Variants in PTPRD observed in about 807,000 individuals in gnomAD.
PTPRD encodes protein tyrosine phosphatase receptor type D.
PTPRD carries 34 observed loss-of-function variants against 214.5 expected under a neutral mutation model. That is an observed-to-expected ratio of 0.16 (90% CI 0.12 to 0.21). The LOEUF (loss-of-function observed/expected upper bound fraction) is 0.21, where lower values mean the gene tolerates loss of function less well. Among genes scored for constraint, PTPRD ranks in the 10% least tolerant of loss-of-function variants. The probability of loss-of-function intolerance (pLI) is 1.00; values close to 1 mark genes in which losing one functional copy is unlikely to be tolerated. For synonymous variants in PTPRD, 1,128 were observed against 845.7 expected (o/e 1.33, Z -5.79); for missense variants, 2,545 against 2,398.7 (o/e 1.06, Z -1.27).
intron 5 of PTPRD, among the ~76,000 whole-genome samples, chr9:9,850,600 G>A (rs969015520): frequency 2.6e-5 from 4 of 152,064 alleles, no homozygotes; most frequent in Non-Finnish European, 5.9e-5. Context: ...AAATGATGAT[G>A]TAAAATATAT....
chr9:9,622,789 C>G (rs1280774801), intron 7 of PTPRD, among the ~76,000 whole-genome samples: 1 of 152,188 alleles, frequency 6.6e-6, no homozygotes, highest in African/African-American at 2.4e-5. Context: ...AAGGGATAAA[C>G]ACTGCTCAGG....
At chr9:10,565,267 GA>G (rs1444485704) in intron 2 of PTPRD, among the ~76,000 whole-genome samples, 1 of 151,980 alleles carries the variant, frequency 6.6e-6, no homozygotes, top group Non-Finnish European at 1.5e-5. Context: ...ATTAGATTAT[GA>G]AAATAAAATT....
intron 2 of PTPRD, among the ~76,000 whole-genome samples, chr9:10,574,323 T>G (rs1293256456): frequency 2.0e-5 from 3 of 152,086 alleles, no homozygotes; most frequent in African/African-American, 7.2e-5. Flanking sequence ...CTATCCAGGT[T>G]GTCAGGAAAG....
At chr9:9,645,462 TATATATATATATA>T (rs2096125504) in intron 7 of PTPRD, among the ~76,000 whole-genome samples, 3 of 140,006 alleles carry the variant, frequency 2.1e-5, no homozygotes, top group African/African-American at 8.9e-5. Flanking sequence ...TATATGTATA[TATATATATATATA>T]TATATTTTCT....
intron 11 of PTPRD, among the ~76,000 whole-genome samples, chr9:8,826,303 T>C (rs573595238): frequency 1.7e-4 from 26 of 152,246 alleles, no homozygotes; most frequent in African/African-American, 5.1e-4. Flanking sequence ...GAATAATTTA[T>C]ATATTTTTTA....
At chr9:9,937,442 T>C (rs1385116708) in intron 5 of PTPRD, among the ~76,000 whole-genome samples, 5 of 150,752 alleles carry the variant, frequency 3.3e-5, no homozygotes, top group Non-Finnish European at 7.4e-5. Flanking sequence ...AAAAAAATAG[T>C]TCCATAGAAT....
chr9:9,652,905 T>C (rs1448738809), intron 7 of PTPRD, among the ~76,000 whole-genome samples: 1 of 152,260 alleles, frequency 6.6e-6, no homozygotes, highest in African/African-American at 2.4e-5. Flanking sequence ...TGTGCCACTA[T>C]GCCCAGCCAA....
At chr9:8,573,655 C>G (rs755107223) in intron 14 of PTPRD, among the ~76,000 whole-genome samples, 6 of 151,932 alleles carry the variant, frequency 3.9e-5, no homozygotes, top group Middle Eastern at 3.4e-3. Flanking sequence ...TGTTTCATTT[C>G]CTCTCCCTAT....
At chr9:9,556,498 T>A (rs2081538967) in intron 8 of PTPRD, among the ~76,000 whole-genome samples, 1 of 152,212 alleles carries the variant, frequency 6.6e-6, no homozygotes, top group South Asian at 2.1e-4. Flanking sequence ...ATAAATAGAT[T>A]GTAAATTCCT....
chr9:9,018,749 A>C lies in PTPRD; in HGVS notation c.-142-14T>G, dbSNP rs1182222775. On this transcript the variant is annotated splice_polypyrimidine_tract_variant and intron_variant, in intron 10 of 45. Transcript: ENST00000381196. ...CCAGACGTCTCCCTAAACAAAGAAG[A>C]AATGTGACAACAATTAAAATGTGAA... The C allele has an allele frequency of 6.6e-6, 1 of 152,194 alleles. No individual in the cohort carries two copies. Among genetic ancestry groups the C allele is most frequent in the African/African-American group, 2.4e-5 (1 of 41,450 alleles). 9.4% of individuals were successfully genotyped at this position (152,194 alleles called of 1,614,324 possible).
chr9:9,427,259 G>A (rs1190463605), intron 8 of PTPRD, among the ~76,000 whole-genome samples: 1 of 152,188 alleles, frequency 6.6e-6, no homozygotes, highest in Non-Finnish European at 1.5e-5. Flanking sequence ...AGAACTACGT[G>A]ACAAATGCAC....
intron 5 of PTPRD, among the ~76,000 whole-genome samples, chr9:9,914,655 AT>A (rs2080184973): frequency 6.6e-6 from 1 of 152,114 alleles, no homozygotes; most frequent in Non-Finnish European, 1.5e-5. Flanking sequence ...CACAGCAAAC[AT>A]GCACCCAGAC....
intron 14 of PTPRD, among the ~76,000 whole-genome samples, chr9:8,606,691 A>G (rs1160378655): frequency 6.6e-6 from 1 of 152,138 alleles, no homozygotes; most frequent in Non-Finnish European, 1.5e-5. Flanking sequence ...GCACATGAAA[A>G]CAATGCTAAA....
intron 2 of PTPRD, among the ~76,000 whole-genome samples, chr9:10,389,153 A>G (rs1187140768): frequency 2.0e-5 from 3 of 151,830 alleles, no homozygotes; most frequent in Non-Finnish European, 2.9e-5. Context: ...AGCAGCTGTT[A>G]TGTGTACATA....
chr9:9,661,801 A>C (rs2154380419), intron 7 of PTPRD, among the ~76,000 whole-genome samples: 1 of 151,824 alleles, frequency 6.6e-6, no homozygotes, highest in South Asian at 2.1e-4. Flanking sequence ...TAACTTGAAG[A>C]GGAGGAGGGC....
At chr9:10,133,891 GT>G (rs1457637176) in intron 3 of PTPRD, among the ~76,000 whole-genome samples, 1 of 152,132 alleles carries the variant, frequency 6.6e-6, no homozygotes, top group Non-Finnish European at 1.5e-5. Context: ...AATGTGGTGA[GT>G]TTAACTACTT....
At chr9:8,323,241 A>G (rs1166946549) in intron 44 of PTPRD, among the ~76,000 whole-genome samples, 1 of 152,216 alleles carries the variant, frequency 6.6e-6, no homozygotes, top group East Asian at 1.9e-4. Flanking sequence ...TTGTTACCCA[A>G]GAGCTCTGGT....
chr9:10,428,232 T>C (rs1191782152), intron 2 of PTPRD, among the ~76,000 whole-genome samples: 1 of 151,982 alleles, frequency 6.6e-6, no homozygotes, highest in African/African-American at 2.4e-5. Flanking sequence ...GGCGGGAGAA[T>C]TGTTTGAACC....
At chr9:8,972,487 G>A (rs770409243) in intron 11 of PTPRD, among the ~76,000 whole-genome samples, 3 of 151,480 alleles carry the variant, frequency 2.0e-5, no homozygotes, top group Admixed American at 1.3e-4. Context: ...AATTAGTGTA[G>A]AAGAAAAAGA....
Sources: gnomAD v4.1 joint callset for allele counts (sites outside exome capture counted in the v4.1 genomes callset) on GRCh38, gnomAD v4.1.1 for gene constraint, MANE v1.5 for transcripts, NCBI Gene and HGNC (gene_info 2026-07-23, HGNC 2026-07-21) for gene names.